The following GALNT14 variants were observed in gnomAD, a reference collection of about 807,000 sequenced individuals.
GALNT14 encodes UDP-GalNAc:polypeptide N-acetylgalactosaminyltransferase 14.
Under a neutral mutation model 77.5 loss-of-function variants are expected in GALNT14, and 60 were observed. The ratio of observed to expected loss-of-function variants is 0.77; its 90% CI spans 0.63 to 0.96. The LOEUF (loss-of-function observed/expected upper bound fraction) is 0.96, where lower values mean the gene tolerates loss of function less well. Ranked by LOEUF, GALNT14 falls within the 40% of genes least tolerant of loss-of-function variation. The probability of loss-of-function intolerance (pLI) is 0.00; values close to 1 mark genes in which losing one functional copy is unlikely to be tolerated. For synonymous variants in GALNT14, 280 were observed against 281.7 expected, an observed-to-expected ratio of 0.99 and a Z score of 0.06; for missense variants, 710 against 731.0, an observed-to-expected ratio of 0.97 and a Z score of 0.33.
Position 31,089,802 on chromosome 2 carries a change from C to T in GALNT14, c.129+48156G>A, listed in dbSNP as rs113382392. On this transcript the variant is annotated intron_variant, in intron 1 of 14. Transcript: ENST00000349752. ...GATCCCAGAAATACCAAGCAGCTGG[C>T]GTGCTAGTTCCAAAGCTACCATGCA... Among the ~76,000 whole-genome samples, 6 of 152,090 alleles carry T rather than the reference C, an allele frequency of 3.9e-5. 1 individual carries two copies. In the South Asian group the frequency reaches 8.3e-4, roughly 21 times the overall value.
intron 13 of GALNT14, among the ~76,000 whole-genome samples, chr2:30,923,885 T>C (rs1260337717): frequency 6.6e-6 from 1 of 152,080 alleles, no homozygotes; most frequent in South Asian, 2.1e-4. Context: ...CAATTTCCTA[T>C]AGGCAGGATG....
At chr2:31,052,396 G>A (rs1204794714) in intron 1 of GALNT14, among the ~76,000 whole-genome samples, 1 of 152,150 alleles carries the variant, frequency 6.6e-6, no homozygotes, top group African/African-American at 2.4e-5. Context: ...GGGTCACTAG[G>A]GCATACCCTA....
At chr2:31,042,625 T>G (rs1673170429) in intron 1 of GALNT14, among the ~76,000 whole-genome samples, 1 of 152,108 alleles carries the variant, frequency 6.6e-6, no homozygotes, top group Non-Finnish European at 1.5e-5. Flanking sequence ...ATTCATCTGT[T>G]GAGATGAAAA....
At chr2:30,888,494 G>T in the GALNT14 span, among the ~76,000 whole-genome samples, 3 of 152,208 alleles carry the variant, frequency 2.0e-5, no homozygotes, top group Non-Finnish European at 2.9e-5. Context: ...AAGAAGAGTG[G>T]CCAGCATGTG....
Position 30,966,203 on chromosome 2 carries a change from C to A in GALNT14, c.398+1G>T. 2.5e-6 allele frequency: 4 copies of A among 1,613,496 alleles called. No individual in the cohort carries two copies. The highest frequency in any genetic ancestry group is 3.4e-6 in the Non-Finnish European group (4 of 1,179,516). ...CCAACAGACAAGCAAGGATGCCTCA[C>A]CTGCGGATGGTCCTGAGCAGCGTGG... On this transcript the variant is annotated splice_donor_variant, in intron 3 of 14. Coordinates refer to ENST00000349752, the MANE Select transcript of GALNT14 (RefSeq NM_024572.4). LOFTEE classifies it high-confidence loss of function.
chr2:31,129,647 T>C (rs926444823), intron 1 of GALNT14: 1 of 985,260 alleles, frequency 1.0e-6, no homozygotes, highest in Admixed American at 6.1e-5. Context: ...ATCTGGCATC[T>C]ATTATGCCTG....
intron 1 of GALNT14, among the ~76,000 whole-genome samples, chr2:31,040,439 A>AG (rs1463254346): frequency 6.6e-6 from 1 of 152,180 alleles, no homozygotes; most frequent in Non-Finnish European, 1.5e-5. Context: ...GGTCTTGAGA[A>AG]GGGTCCCTGA....
chr2:31,020,183 C>A (rs192416734), intron 1 of GALNT14, among the ~76,000 whole-genome samples: 56 of 152,222 alleles, frequency 3.7e-4, no homozygotes, highest in Admixed American at 7.8e-4. Context: ...AGCTATCACA[C>A]AGGAAAACAG....
chr2:30,980,271 C>T (rs1257161273), intron 2 of GALNT14, among the ~76,000 whole-genome samples: 1 of 152,228 alleles, frequency 6.6e-6, no homozygotes, highest in Non-Finnish European at 1.5e-5. Flanking sequence ...GCCCTGTTAC[C>T]TGTCTGCCCT....
At chr2:30,958,089 A>T (rs914441010) in intron 4 of GALNT14, among the ~76,000 whole-genome samples, 1 of 152,212 alleles carries the variant, frequency 6.6e-6, no homozygotes. Flanking sequence ...TGTCATGGCC[A>T]GGTGACAGGA....
intron 1 of GALNT14, among the ~76,000 whole-genome samples, chr2:31,107,965 C>A (rs1351953787): frequency 1.3e-5 from 2 of 152,144 alleles, no homozygotes; most frequent in East Asian, 3.9e-4. Context: ...AGACTCTCAC[C>A]ACCTCCCCAG....
intron 1 of GALNT14, among the ~76,000 whole-genome samples, chr2:31,103,737 T>C (rs996296210): frequency 6.6e-6 from 1 of 152,196 alleles, no homozygotes; most frequent in African/African-American, 2.4e-5. Flanking sequence ...CAATATTTGT[T>C]GGCTGTGTCA....
intron 9 of GALNT14, among the ~76,000 whole-genome samples, chr2:30,933,824 A>G (rs1045275700): frequency 6.6e-6 from 1 of 152,244 alleles, no homozygotes; most frequent in Non-Finnish European, 1.5e-5. Context: ...ATTTGCTCTT[A>G]TGTCAAACAA....
intron 1 of GALNT14, among the ~76,000 whole-genome samples, chr2:31,031,446 T>C (rs1672404372): frequency 6.6e-6 from 1 of 152,230 alleles, no homozygotes; most frequent in South Asian, 2.1e-4. Context: ...AAGGAAATGA[T>C]ATCTAGGCTC....
intron 9 of GALNT14, among the ~76,000 whole-genome samples, chr2:30,937,125 C>A (rs950251645): frequency 1.3e-5 from 2 of 152,192 alleles, no homozygotes; most frequent in African/African-American, 4.8e-5. Context: ...TGTCCCTAAT[C>A]TTGAGCCACC....
chr2:31,121,109 A>T (rs906853347), intron 1 of GALNT14, among the ~76,000 whole-genome samples: 4 of 152,158 alleles, frequency 2.6e-5, no homozygotes, highest in Non-Finnish European at 5.9e-5. Context: ...TTCTCCAACC[A>T]ATGTGCATGG....
chr2:30,968,123 T>C (rs538041483), intron 2 of GALNT14, among the ~76,000 whole-genome samples: 4 of 152,222 alleles, frequency 2.6e-5, no homozygotes, highest in African/African-American at 7.2e-5. Context: ...TCTCCTCAAC[T>C]TGACTGTGAG....
chr2:31,031,656 C>T (rs1672421539), intron 1 of GALNT14, among the ~76,000 whole-genome samples: 1 of 152,144 alleles, frequency 6.6e-6, no homozygotes. Context: ...ATTCACAACA[C>T]TGATCTATCT....
intron 1 of GALNT14, among the ~76,000 whole-genome samples, chr2:31,073,401 G>A (rs1675547754): frequency 6.6e-6 from 1 of 152,060 alleles, no homozygotes; most frequent in Admixed American, 6.6e-5. Context: ...TGCCCTTGTG[G>A]ACCTTGCATT....
Sources: gnomAD v4.1 joint callset for allele counts (sites outside exome capture counted in the v4.1 genomes callset) on GRCh38, gnomAD v4.1.1 for gene constraint, MANE v1.5 for transcripts, NCBI Gene and HGNC (gene_info 2026-07-23, HGNC 2026-07-21) for gene names.